HTR1E: variants seen among roughly 807,000 people sequenced by gnomAD.
HTR1E encodes 5-hydroxytryptamine receptor 1E.
A neutral mutation model predicts 3.4 loss-of-function variants in HTR1E; 3 were observed. That is an observed-to-expected ratio of 0.89 (90% CI 0.41 to 2.31). The LOEUF (loss-of-function observed/expected upper bound fraction) is 2.31, where lower values mean the gene tolerates loss of function less well. Among genes scored for constraint, HTR1E ranks in the 30% most tolerant of loss-of-function variants. The pLI is 0.05. For missense variants in HTR1E, 392 were observed against 467.0 expected (o/e 0.84, Z 1.48); for synonymous variants, 170 against 182.8 (o/e 0.93, Z 0.56).
At chr6:86,952,521 A>ACC (rs1263675223) in intron 1 of HTR1E, among the ~76,000 whole-genome samples, 6 of 149,740 alleles carry the variant, frequency 4.0e-5, no homozygotes, top group East Asian at 1.9e-4. Flanking sequence ...ACACACACAC[A>ACC]CCCCTACCAT....
chr6:86,974,879 T>C (rs1767607847), intron 1 of HTR1E, among the ~76,000 whole-genome samples: 1 of 152,212 alleles, frequency 6.6e-6, no homozygotes, highest in Non-Finnish European at 1.5e-5. Context: ...GTGGTTCCTG[T>C]GTACTTTGAT....
intron 1 of HTR1E, among the ~76,000 whole-genome samples, chr6:86,971,976 T>G (rs75403363): frequency 0.019 from 2,830 of 152,272 alleles, 109 homozygotes; most frequent in East Asian, 0.15. Flanking sequence ...ACAAGGCAGA[T>G]AACCCACAAG....
chr6:86,959,592 G>C (rs1288515417), intron 1 of HTR1E, among the ~76,000 whole-genome samples: 2 of 152,128 alleles, frequency 1.3e-5, no homozygotes, highest in Non-Finnish European at 2.9e-5. Context: ...CCATTGCCTA[G>C]CCAGGTTGAA....
chr6:87,010,637 G>A (rs1373818223), intron 1 of HTR1E, among the ~76,000 whole-genome samples: 4 of 146,726 alleles, frequency 2.7e-5, no homozygotes, highest in South Asian at 2.3e-4. Flanking sequence ...GATGGCGGCC[G>A]GGCGGAGACG....
chr6:86,974,633 T>G (rs1767604098), intron 1 of HTR1E, among the ~76,000 whole-genome samples: 1 of 152,238 alleles, frequency 6.6e-6, no homozygotes, highest in South Asian at 2.1e-4. Flanking sequence ...CTCACTTTGA[T>G]TGCTTGATTA....
chr6:86,953,327 T>C (rs1767271754), intron 1 of HTR1E, among the ~76,000 whole-genome samples: 1 of 152,206 alleles, frequency 6.6e-6, no homozygotes, highest in African/African-American at 2.4e-5. Flanking sequence ...TTTTGGAGAT[T>C]ATCTGGGTAG....
chr6:86,961,352 G>A (rs1036845095), intron 1 of HTR1E, among the ~76,000 whole-genome samples: 11 of 152,096 alleles, frequency 7.2e-5, no homozygotes, highest in Admixed American at 2.6e-4. Flanking sequence ...TGTCAGGTTC[G>A]TAAGAAAAAG....
chr6:86,988,943 T>C (rs1767834828), intron 1 of HTR1E, among the ~76,000 whole-genome samples: 2 of 152,212 alleles, frequency 1.3e-5, no homozygotes, highest in African/African-American at 4.8e-5. Flanking sequence ...CAGGAATTAA[T>C]GTTAAGCCAG....
chr6:86,958,249 G>A (rs559297580), intron 1 of HTR1E, among the ~76,000 whole-genome samples: 5 of 152,032 alleles, frequency 3.3e-5, no homozygotes, highest in African/African-American at 9.6e-5. Flanking sequence ...TAGTAGAGAC[G>A]AGGTTTCACT....
intron 1 of HTR1E, among the ~76,000 whole-genome samples, chr6:87,004,470 T>C (rs935937017): frequency 5.3e-5 from 8 of 152,174 alleles, no homozygotes; most frequent in Non-Finnish European, 7.4e-5. Context: ...GGGTACATTA[T>C]GTCAACAGAA....
intron 1 of HTR1E, among the ~76,000 whole-genome samples, chr6:86,961,179 A>G (rs1002517089): frequency 2.6e-5 from 4 of 152,116 alleles, no homozygotes; most frequent in African/African-American, 9.7e-5. Flanking sequence ...TTTCTGCTCA[A>G]CTGTTTCAGA....
chr6:86,995,665 CAAAAAAAAA>C (rs60134206), intron 1 of HTR1E, among the ~76,000 whole-genome samples: 1 of 36,688 alleles, frequency 2.7e-5, no homozygotes, highest in African/African-American at 1.0e-4. Context: ...GACTCCATCT[CAAAAAAAAA>C]AAAAAAAAAA....
intron 1 of HTR1E, among the ~76,000 whole-genome samples, chr6:86,941,259 T>G (rs1209741324): frequency 1.3e-5 from 2 of 152,226 alleles, no homozygotes; most frequent in Non-Finnish European, 2.9e-5. Flanking sequence ...GAACCAGAAT[T>G]TATAGAGATC....
At chr6:87,014,439 A>C (rs1160248587) in intron 1 of HTR1E, among the ~76,000 whole-genome samples, 2 of 152,144 alleles carry the variant, frequency 1.3e-5, no homozygotes, top group African/African-American at 4.8e-5. Context: ...CATTTGACTC[A>C]GCAATCCTAT....
intron 1 of HTR1E, among the ~76,000 whole-genome samples, chr6:86,954,258 T>G (rs1036687292): frequency 2.8e-4 from 42 of 152,308 alleles, no homozygotes; most frequent in Non-Finnish European, 6.2e-4. Flanking sequence ...ATTCAGGCTG[T>G]CTGTCTGCCT....
intron 1 of HTR1E, among the ~76,000 whole-genome samples, chr6:87,001,093 A>T (rs1367532879): frequency 1.3e-5 from 2 of 152,184 alleles, no homozygotes; most frequent in African/African-American, 4.8e-5. Context: ...ATCAGCTTAA[A>T]ATAATGGGCT....
In HTR1E at chr6:87,015,589, G is replaced by A; in HGVS notation, c.255G>A (p.Met85Ile). 3.7e-6 allele frequency: 6 copies of A among 1,614,006 alleles called. No individual in the cohort carries two copies. Among genetic ancestry groups the A allele is most frequent in the Non-Finnish European group, 5.1e-6 (6 of 1,179,944 alleles). ...VMPLSIIYIV[M>I]DRWKLGYFLC... is the part of the protein sequence containing the mutation. ...CCCTGAGCATCATCTACATTGTCATGGATCGCTGGAAGCTTGGGTACTTCC... is the reference window on the plus strand; with the variant it reads ...CCCTGAGCATCATCTACATTGTCATAGATCGCTGGAAGCTTGGGTACTTCC... The change falls in exon 2 of 2, where the codon ATG (methionine) becomes ATA (isoleucine). Residue 85 changes from methionine to isoleucine, a missense_variant. Around this residue, in one of 3 missense-constraint regions of HTR1E, gnomAD observed 189 missense variants for 258.0 expected, o/e 0.73. Transcript: ENST00000305344.
intron 1 of HTR1E, among the ~76,000 whole-genome samples, chr6:86,943,092 T>G (rs1339483329): frequency 6.6e-6 from 1 of 152,240 alleles, no homozygotes; most frequent in Non-Finnish European, 1.5e-5. Context: ...ATGCATTTAA[T>G]TAACAGTTAA....
intron 1 of HTR1E, 23 bp downstream of exon 1, chr6:86,937,846 G>C (rs1768491381): frequency 6.5e-6 from 1 of 152,788 alleles, no homozygotes; most frequent in African/African-American, 2.4e-5. Context: ...CACCTTCCGG[G>C]ACGACCTTGG....
Sources: gnomAD v4.1 joint callset for allele counts (sites outside exome capture counted in the v4.1 genomes callset) on GRCh38, gnomAD v4.1.1 for gene constraint, gnomAD v4.1.1 regional missense constraint, MANE v1.5 for transcripts, NCBI Gene and HGNC (gene_info 2026-07-23, HGNC 2026-07-21) for gene names.